SATB1: variants seen among roughly 807,000 people sequenced by gnomAD.
The protein encoded by SATB1 is DNA-binding protein SATB1.
SATB1 carries 11 observed loss-of-function variants against 86.9 expected under a neutral mutation model. That is an observed-to-expected ratio of 0.13 (90% CI 0.08 to 0.21). The LOEUF (loss-of-function observed/expected upper bound fraction) is 0.21, where lower values mean the gene tolerates loss of function less well. Among genes scored for constraint, SATB1 ranks in the 10% least tolerant of loss-of-function variants. The pLI, the probability that SATB1 is intolerant of heterozygous loss-of-function variation, is 1.00. For synonymous variants in SATB1, 357 were observed against 357.2 expected (o/e 1.00, Z 0.01); for missense variants, 551 against 937.6 (o/e 0.59, Z 5.39).
At chr3:18,382,761 C>T (rs185912165) in intron 8 of SATB1, among the ~76,000 whole-genome samples, 1 of 152,338 alleles carries the variant, frequency 6.6e-6, no homozygotes, top group African/African-American at 2.4e-5. Context: ...ACATGCTCCT[C>T]TTCCCATTCT....
chr3:18,431,771 G>A (rs1698898267), intron 2 of SATB1, among the ~76,000 whole-genome samples: 2 of 152,128 alleles, frequency 1.3e-5, no homozygotes, highest in Non-Finnish European at 2.9e-5. Context: ...GTATATGTGG[G>A]CAAGCTACTT....
At chr3:18,420,548 G>C in intron 2 of SATB1, 1 of 570,632 alleles carries the variant, frequency 1.8e-6, no homozygotes, top group South Asian at 2.2e-5. Flanking sequence ...CATGATTCCA[G>C]TCTACAGTAG....
At chr3:18,366,251 CTT>C (rs200177186) in intron 9 of SATB1, among the ~76,000 whole-genome samples, 1 of 147,494 alleles carries the variant, frequency 6.8e-6, no homozygotes, top group African/African-American at 2.5e-5. Context: ...TCAAGGTATT[CTT>C]TTTTTTTTTC....
intron 5 of SATB1, 104 bp downstream of exon 5, chr3:18,415,007 T>G (rs1698040538): frequency 7.4e-7 from 1 of 1,353,948 alleles, no homozygotes; most frequent in Admixed American, 2.0e-5. Context: ...TTTTGGCAGA[T>G]TCTTGCTTCA....
intron 2 of SATB1, chr3:18,435,109 C>A (rs1345210526): frequency 6.6e-6 from 1 of 152,110 alleles, no homozygotes; most frequent in African/African-American, 2.4e-5. Flanking sequence ...AATAATACAG[C>A]TGACCTATGT....
At chr3:18,397,751 G>T (rs1394115123) in intron 5 of SATB1, among the ~76,000 whole-genome samples, 2 of 152,184 alleles carry the variant, frequency 1.3e-5, no homozygotes, top group Non-Finnish European at 2.9e-5. Context: ...TAGAAATGCA[G>T]AATCTTGGGC....
intron 2 of SATB1, chr3:18,417,526 G>T: frequency 1.6e-6 from 1 of 609,170 alleles, no homozygotes; most frequent in Non-Finnish European, 2.9e-6. Flanking sequence ...CTTTTCCTGG[G>T]TTTGTGTCCA....
intron 5 of SATB1, among the ~76,000 whole-genome samples, chr3:18,404,293 T>C (rs1697412973): frequency 6.6e-6 from 1 of 152,164 alleles, no homozygotes; most frequent in Admixed American, 6.6e-5. Context: ...GGATCCTCTA[T>C]TGCTTTCTAA....
At position 18,394,239 on chromosome 3, in the gene SATB1, C is replaced by T. The variant is rs1411145710; in HGVS notation, c.1206+223G>A. 2.0e-5 allele frequency among the ~76,000 whole-genome samples: 3 copies of T among 151,958 alleles called. No homozygotes were observed. The highest frequency in any genetic ancestry group is 6.6e-5 in the Admixed American group (1 of 15,256). On this transcript the variant is annotated intron_variant, in intron 7 of 10. Transcript: ENST00000338745. The surrounding 1 kb of genome is among the most constrained non-coding windows in gnomAD (Gnocchi z 5.9). ...GACATTTAATTAGTCTTTCAAAGGC[C>T]CTGAATTGGGATCAATCTGCACATA...
upstream of SATB1, among the ~76,000 whole-genome samples, chr3:18,426,872 G>A (rs533286699): frequency 7.9e-5 from 12 of 152,276 alleles, no homozygotes; most frequent in East Asian, 2.3e-3. The surrounding 1 kb of genome is among the most constrained non-coding windows in gnomAD (Gnocchi z 4.2). Context: ...AAAGCCAAAA[G>A]GTAAAGCAGA....
At chr3:18,357,262 A>T (rs1216293182) in intron 9 of SATB1, among the ~76,000 whole-genome samples, 1 of 151,894 alleles carries the variant, frequency 6.6e-6, no homozygotes, top group East Asian at 1.9e-4. Flanking sequence ...AGTATTTGAT[A>T]CAAACATTTT....
At chr3:18,355,688 G>A (rs1193388570) in intron 9 of SATB1, among the ~76,000 whole-genome samples, 1 of 151,906 alleles carries the variant, frequency 6.6e-6, no homozygotes, top group Non-Finnish European at 1.5e-5. Flanking sequence ...ACATAATTAC[G>A]TTTTTAAGAG....
intron 1 of SATB1, chr3:18,445,414 G>C (rs1355830304): frequency 4.1e-6 from 4 of 985,264 alleles, no homozygotes; most frequent in East Asian, 2.3e-4. Context: ...GGGGGTTGGC[G>C]CGGAAGACAG....
At chr3:18,377,648 C>T (rs1695829690) in intron 9 of SATB1, among the ~76,000 whole-genome samples, 2 of 151,852 alleles carry the variant, frequency 1.3e-5, no homozygotes, top group Admixed American at 1.3e-4. Flanking sequence ...ATATGCAAAG[C>T]TATGTGTGTG....
chr3:18,430,925 A>C (rs929766295), intron 2 of SATB1, among the ~76,000 whole-genome samples: 1 of 152,150 alleles, frequency 6.6e-6, no homozygotes, highest in Non-Finnish European at 1.5e-5. Context: ...AGATCTGGAG[A>C]GGGAAAACGA....
At chr3:18,355,802 A>T (rs964566481) in intron 9 of SATB1, among the ~76,000 whole-genome samples, 2 of 151,996 alleles carry the variant, frequency 1.3e-5, no homozygotes, top group African/African-American at 4.8e-5. Context: ...AAGACAGGGG[A>T]CTAACAGCCT....
intron 9 of SATB1, among the ~76,000 whole-genome samples, chr3:18,369,519 C>T (rs963638591): frequency 6.6e-6 from 1 of 152,086 alleles, no homozygotes. Flanking sequence ...GAACATCTTA[C>T]ACACACATAC....
At position 18,352,059 on chromosome 3, in the gene SATB1, C is replaced by A. The variant is rs1283640255; in HGVS notation, c.1712G>T (p.Ser571Ile). The change falls in exon 10 of 11, where the codon AGC (serine) becomes ATC (isoleucine). Residue 571 changes from serine (S) to isoleucine (I), a missense_variant. Physicochemically the swap from Ser to Ile is moderately radical, Grantham distance 142. Coordinates refer to ENST00000338745, the MANE Select transcript of SATB1 (RefSeq NM_002971.6). The surrounding 1 kb of genome is among the most constrained non-coding windows in gnomAD (Gnocchi z 4.1). ...GTCGCCATGGTGATGCACCGCGTTG[C>A]TCTCCTGTTCATAAATGGCATCACG... Reference protein sequence around the residue: ...PERDAIYEQESNAVHHHGDRP... With the variant: ...PERDAIYEQEINAVHHHGDRP... The A allele has an allele frequency of 6.2e-7, 1 of 1,614,236 alleles. No homozygotes were observed. The highest frequency in any genetic ancestry group is 2.2e-5 in the East Asian group (1 of 44,882).
At chr3:18,363,435 G>A (rs1466891388) in intron 9 of SATB1, among the ~76,000 whole-genome samples, 1 of 152,092 alleles carries the variant, frequency 6.6e-6, no homozygotes, top group Non-Finnish European at 1.5e-5. Flanking sequence ...ACAATGGCCG[G>A]GTTATAATTT....
Sources: allele counts gnomAD v4.1 joint callset (sites outside exome capture counted in the v4.1 genomes callset), GRCh38; gene constraint gnomAD v4.1.1; non-coding constraint Gnocchi (gnomAD v3.1); transcripts MANE v1.5; gene names NCBI Gene and HGNC (gene_info 2026-07-23, HGNC 2026-07-21).